The following GABRB1 variants were observed in gnomAD, a reference collection of about 807,000 sequenced individuals.
GABRB1 encodes gamma-aminobutyric acid type A receptor subunit beta1, also known as gamma-aminobutyric acid receptor subunit beta-1.
In GABRB1, 17 loss-of-function variants were observed where a neutral mutation model predicts 51.6. The observed-to-expected ratio is 0.33, with a 90% CI of 0.23 to 0.49. GABRB1 has a LOEUF of 0.49. Ranked by LOEUF, GABRB1 falls within the 20% of genes least tolerant of loss-of-function variation. GABRB1 has a pLI of 0.99. For missense variants in GABRB1, 410 were observed against 600.6 expected, an observed-to-expected ratio of 0.68 and a Z score of 3.32; for synonymous variants, 247 against 218.9, an observed-to-expected ratio of 1.13 and a Z score of -1.14.
rs1426979141 is a variant in GABRB1 at position 47,341,327 on chromosome 4, AAC to A, written c.544+21121_544+21122del. On this transcript the variant is annotated intron_variant, in intron 5 of 8. Transcript: ENST00000295454. ...TCTTGATTCATTGTTTCGATCCCAC[AAC>A]ACCAGTGGCCATGCTCTCTGGAAAT... Among the ~76,000 whole-genome samples, 490 of 152,316 alleles carry A rather than the reference AAC, an allele frequency of 3.2e-3. 1 individual carries two copies. Among genetic ancestry groups the A allele is most frequent in the Middle Eastern group, 0.02 (6 of 294 alleles).
At chr4:47,283,160 T>G (rs1057465659) in intron 4 of GABRB1, among the ~76,000 whole-genome samples, 1 of 151,970 alleles carries the variant, frequency 6.6e-6, no homozygotes, top group Admixed American at 6.6e-5. Flanking sequence ...AAAGGACAGG[T>G]AGATGTGAGA....
At chr4:47,262,871 T>C (rs988155315) in intron 4 of GABRB1, among the ~76,000 whole-genome samples, 1 of 151,774 alleles carries the variant, frequency 6.6e-6, no homozygotes, top group Non-Finnish European at 1.5e-5. Context: ...CCATAAAAAA[T>C]GATGAGTTCA....
At chr4:47,243,546 G>A (rs751425800) in intron 4 of GABRB1, among the ~76,000 whole-genome samples, 6 of 152,108 alleles carry the variant, frequency 3.9e-5, no homozygotes, top group African/African-American at 7.2e-5. Context: ...ATTTGTTTGT[G>A]TCCTCTTTTA....
intron 4 of GABRB1, among the ~76,000 whole-genome samples, chr4:47,205,136 T>C (rs1720062431): frequency 6.6e-6 from 1 of 152,142 alleles, no homozygotes. Flanking sequence ...GCAACAGTAA[T>C]AGACTCTACT....
At chr4:47,335,329 T>A (rs544873358) in intron 5 of GABRB1, among the ~76,000 whole-genome samples, 92 of 152,278 alleles carry the variant, frequency 6.0e-4, no homozygotes, top group Non-Finnish European at 1.2e-3. Flanking sequence ...TTATTTTATA[T>A]CTTCCTCTTT....
At position 47,080,788 on chromosome 4, in the gene GABRB1, C is replaced by G. The variant is rs572973744; in HGVS notation, c.240+48304C>G. The stretch of plus-strand genomic sequence containing the variant: ...CAAAAACAATGATCCTTTAGGTCTG[C>G]CAGTTCTGTGGGGAAGATGTTTAGG... On this transcript the variant is annotated intron_variant, in intron 3 of 8. Transcript: ENST00000295454. Among the ~76,000 whole-genome samples the G allele has an allele frequency of 7.9e-5, 12 of 152,228 alleles. No homozygotes were observed. In the South Asian group the frequency reaches 2.3e-3, roughly 29 times the overall value.
At chr4:47,174,998 T>A (rs576789275) in intron 4 of GABRB1, among the ~76,000 whole-genome samples, 26 of 141,306 alleles carry the variant, frequency 1.8e-4, no homozygotes, top group African/African-American at 6.9e-4. Flanking sequence ...CTTCCTCCCT[T>A]CCTTCCTCTC....
At chr4:47,122,654 T>C (rs1158778667) in intron 3 of GABRB1, among the ~76,000 whole-genome samples, 1 of 152,036 alleles carries the variant, frequency 6.6e-6, no homozygotes, top group African/African-American at 2.4e-5. Context: ...AAGCAGGAGC[T>C]AATGTCTCTG....
intron 5 of GABRB1, among the ~76,000 whole-genome samples, chr4:47,393,715 T>C (rs1252638493): frequency 1.3e-5 from 2 of 152,242 alleles, no homozygotes; most frequent in Non-Finnish European, 2.9e-5. Context: ...ATATGTTACT[T>C]CTTCTGCCAG....
intron 4 of GABRB1, among the ~76,000 whole-genome samples, chr4:47,277,827 G>A (rs550283402): frequency 3.2e-4 from 48 of 151,984 alleles, no homozygotes; most frequent in African/African-American, 1.1e-3. Context: ...AATCTTATTT[G>A]ATACATTACT....
intron 3 of GABRB1, among the ~76,000 whole-genome samples, chr4:47,100,562 C>T (rs1714677517): frequency 6.6e-6 from 1 of 151,874 alleles, no homozygotes. Context: ...TCTCCTTTTT[C>T]CTCATCTAGA....
At chr4:47,415,250 A>G (rs1728873287) in intron 8 of GABRB1, among the ~76,000 whole-genome samples, 1 of 152,230 alleles carries the variant, frequency 6.6e-6, no homozygotes, top group Admixed American at 6.5e-5. Context: ...ATTGGCCCAC[A>G]CAACTGAAAG....
intron 3 of GABRB1, among the ~76,000 whole-genome samples, chr4:47,112,194 G>A (rs529705491): frequency 5.3e-5 from 8 of 152,022 alleles, no homozygotes; most frequent in African/African-American, 1.4e-4. Context: ...ATTGAAGTTA[G>A]CAGTTCTGGG....
chr4:47,297,506 A>G (rs1490159729), intron 4 of GABRB1, among the ~76,000 whole-genome samples: 1 of 152,212 alleles, frequency 6.6e-6, no homozygotes, highest in African/African-American at 2.4e-5. Flanking sequence ...TAGAGAATCT[A>G]GAAGAAATAG....
At chr4:47,048,358 A>G (rs956388134) in intron 3 of GABRB1, among the ~76,000 whole-genome samples, 6 of 152,134 alleles carry the variant, frequency 3.9e-5, no homozygotes, top group African/African-American at 1.4e-4. Flanking sequence ...ACTGAGCTTC[A>G]GAGTAATTAA....
chr4:47,042,698 T>G (rs971500472), intron 3 of GABRB1, among the ~76,000 whole-genome samples: 4 of 151,406 alleles, frequency 2.6e-5, no homozygotes, highest in African/African-American at 9.7e-5. Flanking sequence ...TTAGCAAATC[T>G]GTAGGGATTT....
chr4:47,342,782 T>C (rs367614806), intron 5 of GABRB1, among the ~76,000 whole-genome samples: 12 of 152,232 alleles, frequency 7.9e-5, no homozygotes, highest in African/African-American at 2.9e-4. Flanking sequence ...AGCAGCATAT[T>C]AGATCCAAAA....
intron 4 of GABRB1, among the ~76,000 whole-genome samples, chr4:47,185,030 G>A (rs527598811): frequency 5.9e-5 from 9 of 151,500 alleles, no homozygotes; most frequent in South Asian, 2.1e-4. Flanking sequence ...CACATATATC[G>A]GATTTCACTC....
At chr4:47,193,800 A>G (rs1259046518) in intron 4 of GABRB1, among the ~76,000 whole-genome samples, 2 of 152,246 alleles carry the variant, frequency 1.3e-5, no homozygotes, top group Non-Finnish European at 2.9e-5. Context: ...AAGGTAAATT[A>G]ACCCTCCATT....
Sources: gnomAD v4.1 joint callset for allele counts (sites outside exome capture counted in the v4.1 genomes callset) on GRCh38, gnomAD v4.1.1 for gene constraint, MANE v1.5 for transcripts, NCBI Gene and HGNC (gene_info 2026-07-23, HGNC 2026-07-21) for gene names.